ANKRD30A: variants seen among roughly 807,000 people sequenced by gnomAD.
ANKRD30A encodes ankyrin repeat domain-containing protein 30A.
A neutral mutation model predicts 166.3 loss-of-function variants in ANKRD30A; 170 were observed. That is an observed-to-expected ratio of 1.02 (90% CI 0.90 to 1.16). The LOEUF is 1.16. ANKRD30A is among the 50% of genes most tolerant of loss of function. ANKRD30A has a pLI of 0.00. For missense variants in ANKRD30A, 1,630 were observed against 1,518.0 expected, an observed-to-expected ratio of 1.07 and a Z score of -1.23; for synonymous variants, 564 against 508.9, an observed-to-expected ratio of 1.11 and a Z score of -1.46.
rs61737413 is a variant in ANKRD30A, at chr10:37,132,322, C to A, written c.593C>A (p.Ala198Glu). The stretch of plus-strand genomic sequence containing the variant: ...TTTTTGCTGATAAAAAATGCAAATG[C>A]GAATGCAGTTAATAAGTATAAATGG... ...VEFLLIKNANANAVNKYKCTA... is the reference protein window; with the variant it reads ...VEFLLIKNANENAVNKYKCTA... Residue 198 changes from alanine to glutamate, a missense_variant, in exon 4 of 36, where the codon GCG becomes GAG. Physicochemically the swap from Ala to Glu is moderately radical, Grantham distance 107 (BLOSUM62 -1). This residue lies in a region of ANKRD30A where 904 missense variants were observed against 818.5 expected (regional missense o/e 1.10). Coordinates refer to ENST00000361713, the MANE Select transcript of ANKRD30A (RefSeq NM_052997.3). The A allele has an allele frequency of 1.3e-6, 2 of 1,597,584 alleles. No individual in the cohort carries two copies. Among genetic ancestry groups the A allele is most frequent in the Non-Finnish European group, 1.7e-6 (2 of 1,171,032 alleles).
intron 30 of ANKRD30A, among the ~76,000 whole-genome samples, chr10:37,200,792 A>C (rs1318608870): frequency 6.6e-6 from 1 of 152,092 alleles, no homozygotes; most frequent in Non-Finnish European, 1.5e-5. Context: ...TCTTCATGAC[A>C]GGCATCATTT....
chr10:37,151,999 T>C (rs1837974527), intron 11 of ANKRD30A, 61 bp from the exon 12 acceptor site: 1 of 1,435,496 alleles, frequency 7.0e-7, no homozygotes, highest in Non-Finnish European at 9.6e-7. Context: ...TTTGTATATG[T>C]TTTTAAAATT....
At chr10:37,264,786 G>A in the ANKRD30A span, 1 of 160,508 alleles carries the variant, frequency 6.2e-6, no homozygotes, top group Non-Finnish European at 1.4e-5. Context: ...TCTATCAGGA[G>A]GTAAACCAAA....
At chr10:37,166,820 T>G in intron 19 of ANKRD30A, 125 bp downstream of exon 19, 2 of 1,405,210 alleles carry the variant, frequency 1.4e-6, no homozygotes, top group Non-Finnish European at 1.9e-6. Context: ...AAAAGAGAAG[T>G]GCAATGGTCA....
Position 37,204,059 on chromosome 10 carries a change from C to T in ANKRD30A, c.2869+2734C>T, listed in dbSNP as rs141634019. Among the ~76,000 whole-genome samples the T allele has an allele frequency of 7.0e-3, 1,059 of 152,288 alleles. 7 individuals are homozygous for T. The highest frequency in any genetic ancestry group is 0.013 in the Non-Finnish European group (865 of 68,022). On this transcript the variant is annotated intron_variant, in intron 31 of 35. Coordinates refer to ENST00000361713, the MANE Select transcript of ANKRD30A (RefSeq NM_052997.3). ...AATCAATATCGTGAAAATGGCCATA[C>T]TGCCCAAGGTAATTTATGGATTCAA...
intron 11 of ANKRD30A, 38 bp from the exon 12 acceptor site, chr10:37,152,022 A>C (rs17605911): frequency 3.9e-6 from 6 of 1,532,710 alleles, no homozygotes; most frequent in East Asian, 4.5e-5. Context: ...TAGTAGAGAA[A>C]TGTTGTCATG....
intron 31 of ANKRD30A, among the ~76,000 whole-genome samples, chr10:37,206,429 T>C (rs947917659): frequency 5.9e-5 from 9 of 152,214 alleles, no homozygotes; most frequent in Admixed American, 4.6e-4. Context: ...TTGATATTAT[T>C]TATTTAAGTG....
intron 15 of ANKRD30A, among the ~76,000 whole-genome samples, chr10:37,162,178 T>G (rs1438687850): frequency 6.6e-6 from 1 of 152,144 alleles, no homozygotes; most frequent in African/African-American, 2.4e-5. Context: ...TGTTATGACC[T>G]AAGTGTATAT....
chr10:37,245,818 C>T, the ANKRD30A span, among the ~76,000 whole-genome samples: 2 of 152,176 alleles, frequency 1.3e-5, no homozygotes, highest in Non-Finnish European at 1.5e-5. Context: ...GTTTTTATGA[C>T]AGTATGACTG....
At chr10:37,256,174 A>G in the ANKRD30A span, among the ~76,000 whole-genome samples, 1 of 152,178 alleles carries the variant, frequency 6.6e-6, no homozygotes, top group African/African-American at 2.4e-5. Flanking sequence ...CACCTCTTCA[A>G]AAAGATTGTT....
chr10:37,130,467 C>T, intron 3 of ANKRD30A, 89 bp downstream of exon 3: 1 of 1,031,508 alleles, frequency 9.7e-7, no homozygotes, highest in Non-Finnish European at 1.3e-6. Context: ...TTTGGAAGCT[C>T]AAACATTCCT....
At chr10:37,210,606 C>A (rs549836097) in intron 31 of ANKRD30A, among the ~76,000 whole-genome samples, 2 of 152,332 alleles carry the variant, frequency 1.3e-5, no homozygotes, top group East Asian at 3.9e-4. Context: ...GATTCTATTT[C>A]TCCACATCCT....
At chr10:37,255,852 A>G in the ANKRD30A span, among the ~76,000 whole-genome samples, 910 of 152,346 alleles carry the variant, frequency 6.0e-3, 9 homozygotes, top group African/African-American at 0.021. Context: ...CTATTCTCCC[A>G]TAAAAGCTGG....
chr10:37,215,369 A>G (rs1842550101), intron 31 of ANKRD30A, among the ~76,000 whole-genome samples: 2 of 151,378 alleles, frequency 1.3e-5, no homozygotes. Context: ...TCTGACTCAC[A>G]TGCAATCTTT....
chr10:37,234,147 TCACCA>T (rs1843568348), downstream of ANKRD30A, among the ~76,000 whole-genome samples: 1 of 152,182 alleles, frequency 6.6e-6, no homozygotes, highest in South Asian at 2.1e-4. Flanking sequence ...CTTGCACCTG[TCACCA>T]ACACATGAAG....
chr10:37,198,725 A>C (rs1841369064), intron 29 of ANKRD30A, among the ~76,000 whole-genome samples: 1 of 152,098 alleles, frequency 6.6e-6, no homozygotes. Flanking sequence ...AACGTTAGCT[A>C]TGCTGTGATC....
At chr10:37,178,943 T>G (rs1292326991) in intron 24 of ANKRD30A, among the ~76,000 whole-genome samples, 5 of 149,740 alleles carry the variant, frequency 3.3e-5, no homozygotes, top group Non-Finnish European at 7.4e-5. Context: ...ACTACTGGAA[T>G]CATGAGGATT....
chr10:37,252,850 A>G, the ANKRD30A span, among the ~76,000 whole-genome samples: 1 of 152,210 alleles, frequency 6.6e-6, no homozygotes, highest in Non-Finnish European at 1.5e-5. Context: ...AAGTGCTTAT[A>G]TAAGATGTTT....
At chr10:37,224,349 GA>G (rs1332247110) in intron 34 of ANKRD30A, among the ~76,000 whole-genome samples, 1 of 149,614 alleles carries the variant, frequency 6.7e-6, no homozygotes, top group Non-Finnish European at 1.5e-5. Context: ...TAGTCTCTTT[GA>G]TTTTTTTTAG....
Sources: allele counts gnomAD v4.1 joint callset (sites outside exome capture counted in the v4.1 genomes callset), GRCh38; gene constraint gnomAD v4.1.1; regional missense constraint gnomAD v4.1.1; transcripts MANE v1.5; gene names NCBI Gene and HGNC (gene_info 2026-07-23, HGNC 2026-07-21).